The following ZBTB16 variants were observed in gnomAD, a reference collection of about 807,000 sequenced individuals.
ZBTB16 encodes the protein zinc finger and BTB domain containing 16, also known as zinc finger and BTB domain-containing protein 16.
ZBTB16 carries 8 observed loss-of-function variants against 56.8 expected under a neutral mutation model. The ratio of observed to expected loss-of-function variants is 0.14; its 90% CI spans 0.08 to 0.25. ZBTB16 has a LOEUF of 0.25. ZBTB16 is among the 10% of genes least tolerant of loss of function. The pLI is 1.00. For missense variants in ZBTB16, 625 were observed against 903.0 expected (o/e 0.69, Z 3.95); for synonymous variants, 363 against 368.5 (o/e 0.98, Z 0.17).
chr11:114,195,553 G>T (rs1390234201), intron 4 of ZBTB16, among the ~76,000 whole-genome samples: 1 of 152,166 alleles, frequency 6.6e-6, no homozygotes, highest in African/African-American at 2.4e-5. Context: ...GAGTGGTGCA[G>T]GTTTGTCATG....
chr11:114,185,069 A>G (rs1217506757), intron 3 of ZBTB16, among the ~76,000 whole-genome samples: 2 of 152,146 alleles, frequency 1.3e-5, no homozygotes, highest in African/African-American at 4.8e-5. Context: ...TTAGTCAGGC[A>G]TGGTGGCGTG....
intron 3 of ZBTB16, among the ~76,000 whole-genome samples, chr11:114,167,499 T>C (rs917550978): frequency 6.6e-6 from 1 of 151,506 alleles, no homozygotes; most frequent in South Asian, 2.1e-4. Context: ...TTTTCACCTT[T>C]GATGTGGTAA....
At chr11:114,175,877 G>A (rs1316835557) in intron 3 of ZBTB16, among the ~76,000 whole-genome samples, 1 of 152,102 alleles carries the variant, frequency 6.6e-6, no homozygotes, top group African/African-American at 2.4e-5. Context: ...CTTGAAATGG[G>A]TGGAGTAGGC....
chr11:114,245,173 G>A (rs1944789275), intron 5 of ZBTB16, among the ~76,000 whole-genome samples: 1 of 152,164 alleles, frequency 6.6e-6, no homozygotes, highest in Non-Finnish European at 1.5e-5. Flanking sequence ...TGAGTTTGAT[G>A]GGGCTGGGGG....
chr11:114,188,421 G>A (rs1943413946), intron 4 of ZBTB16: 1 of 152,166 alleles, frequency 6.6e-6, no homozygotes, highest in African/African-American at 2.4e-5. Flanking sequence ...TGGGGCCATG[G>A]ATAAATTATT....
At chr11:114,155,020 T>C (rs1297453151) in intron 2 of ZBTB16, among the ~76,000 whole-genome samples, 1 of 149,782 alleles carries the variant, frequency 6.7e-6, no homozygotes. Context: ...TCGGTTTTGC[T>C]ACCATCTAGA....
At chr11:114,229,237 A>G (rs1364820966) in intron 4 of ZBTB16, among the ~76,000 whole-genome samples, 1 of 152,244 alleles carries the variant, frequency 6.6e-6, no homozygotes, top group African/African-American at 2.4e-5. Flanking sequence ...AATGCGACAC[A>G]GTAGCCCAAC....
At chr11:114,187,456 G>A (rs955458856) in intron 4 of ZBTB16, 5 of 255,846 alleles carry the variant, frequency 2.0e-5, no homozygotes, top group East Asian at 8.6e-5. Context: ...CTCCCTCTGC[G>A]AGAGCTGAGA....
chr11:114,209,240 T>G, intron 4 of ZBTB16: 2 of 331,498 alleles, frequency 6.0e-6, no homozygotes, highest in Non-Finnish European at 8.6e-6. Context: ...CAAAGCTGCT[T>G]TGGGGTGCAC....
chr11:114,248,583 C>T (rs2135213974), intron 6 of ZBTB16, among the ~76,000 whole-genome samples: 1 of 152,288 alleles, frequency 6.6e-6, no homozygotes, highest in African/African-American at 2.4e-5. Flanking sequence ...GACAGCTGTC[C>T]TGTCCAGAGG....
In ZBTB16 at chr11:114,250,572, G is replaced by T. The variant is rs1944900432; in HGVS notation, c.*17G>T. 6.2e-7 allele frequency: 1 copy of T among 1,613,098 alleles called. No homozygotes were observed. The highest frequency in any genetic ancestry group is 8.5e-7 in the Non-Finnish European group (1 of 1,179,318). On this transcript the variant is annotated 3_prime_UTR_variant, in exon 7 of 7. Transcript: ENST00000335953. The surrounding 1 kb of genome is among the most constrained non-coding windows in gnomAD (Gnocchi z 6.0). Reference sequence around the variant, plus strand: ...TATGTGTGAAGGGAGGCCCGCGGCGGTGGAGCCGAGCGGGGAGCCAGGAAA... The same window carrying T: ...TATGTGTGAAGGGAGGCCCGCGGCGTTGGAGCCGAGCGGGGAGCCAGGAAA...
At chr11:114,188,418 A>G (rs1181670712) in intron 4 of ZBTB16, 2 of 152,220 alleles carry the variant, frequency 1.3e-5, no homozygotes, top group Admixed American at 6.5e-5. Flanking sequence ...TTGTGGGGCC[A>G]TGGATAAATT....
At chr11:114,242,492 A>G (rs1944729784) in intron 5 of ZBTB16, among the ~76,000 whole-genome samples, 155 bp downstream of exon 5, 1 of 152,156 alleles carries the variant, frequency 6.6e-6, no homozygotes, top group Non-Finnish European at 1.5e-5. Flanking sequence ...GTGCAGGTAA[A>G]TGTGGACAGT....
chr11:114,068,816 C>T (rs923227792), intron 2 of ZBTB16, among the ~76,000 whole-genome samples: 3 of 152,202 alleles, frequency 2.0e-5, no homozygotes, highest in Admixed American at 2.0e-4. Flanking sequence ...GGAACCAGCT[C>T]ATCCAGGCCA....
At chr11:114,156,206 C>T (rs1942404775) in intron 2 of ZBTB16, 131 bp from the exon 3 acceptor site, 1 of 833,432 alleles carries the variant, frequency 1.2e-6, no homozygotes. Flanking sequence ...GATGTGTTTC[C>T]ATCGGTGCCC....
chr11:114,175,233 A>AAT (rs1943077774), intron 3 of ZBTB16, among the ~76,000 whole-genome samples: 1 of 152,150 alleles, frequency 6.6e-6, no homozygotes, highest in East Asian at 1.9e-4. Flanking sequence ...ACACAACACC[A>AAT]ATACTTTCAC....
chr11:114,240,063 T>C (rs1024553857), intron 4 of ZBTB16, among the ~76,000 whole-genome samples: 1 of 152,196 alleles, frequency 6.6e-6, no homozygotes, highest in African/African-American at 2.4e-5. Flanking sequence ...CCTTCCTTCC[T>C]GCTTTTTGTT....
intron 2 of ZBTB16, among the ~76,000 whole-genome samples, chr11:114,077,564 C>A (rs1252084738): frequency 1.3e-5 from 2 of 152,280 alleles, no homozygotes; most frequent in East Asian, 1.9e-4. Context: ...TCAGCCTGAA[C>A]TAAGCACGTT....
rs1938772288 is a variant in ZBTB16, at chr11:114,060,285, G to C, written c.-91+403G>C. On this transcript the variant is annotated intron_variant, in intron 1 of 6. Coordinates refer to ENST00000335953, the MANE Select transcript of ZBTB16 (RefSeq NM_006006.6). This position sits in a 1 kb window ranked among gnomAD's most constrained non-coding sequence, Gnocchi z 6.0. ...TATGTATGCGGACCGGTGCGCGGGCGCAAGATAAGGTTGTGGTTTATTTAT... is the reference window on the plus strand; with the variant it reads ...TATGTATGCGGACCGGTGCGCGGGCCCAAGATAAGGTTGTGGTTTATTTAT... 1 of 154,430 alleles carries C rather than the reference G, an allele frequency of 6.5e-6. No homozygotes were observed. The highest frequency in any genetic ancestry group is 2.1e-4 in the South Asian group (1 of 4,850). 9.6% of individuals were successfully genotyped at this position (154,430 alleles called of 1,614,324 possible).
Sources: allele counts gnomAD v4.1 joint callset (sites outside exome capture counted in the v4.1 genomes callset), GRCh38; gene constraint gnomAD v4.1.1; non-coding constraint Gnocchi (gnomAD v3.1); transcripts MANE v1.5; gene names NCBI Gene and HGNC (gene_info 2026-07-23, HGNC 2026-07-21).